The following ADAMTS17 variants were observed in gnomAD, a reference collection of about 807,000 sequenced individuals.
ADAMTS17 encodes the protein A disintegrin and metalloproteinase with thrombospondin motifs 17.
ADAMTS17 carries 113 observed loss-of-function variants against 141.5 expected under a neutral mutation model. That is an observed-to-expected ratio of 0.80 (90% CI 0.69 to 0.93). The LOEUF (loss-of-function observed/expected upper bound fraction) is 0.93, where lower values mean the gene tolerates loss of function less well. ADAMTS17 is among the 40% of genes least tolerant of loss of function. The pLI is 0.00. For missense variants in ADAMTS17, 1,659 were observed against 1,517.9 expected, an observed-to-expected ratio of 1.09 and a Z score of -1.54; for synonymous variants, 768 against 630.6, an observed-to-expected ratio of 1.22 and a Z score of -3.27.
intron 7 of ADAMTS17, among the ~76,000 whole-genome samples, chr15:100,211,213 T>C (rs997809923): frequency 1.3e-5 from 2 of 149,474 alleles, no homozygotes; most frequent in South Asian, 4.2e-4. Flanking sequence ...GAAGAAACGG[T>C]TGCACCTGGG....
chr15:100,277,377 C>T (rs2044134487), intron 4 of ADAMTS17, among the ~76,000 whole-genome samples: 2 of 152,154 alleles, frequency 1.3e-5, no homozygotes, highest in Admixed American at 1.3e-4. Flanking sequence ...GTACCAACCC[C>T]ATTCCCTTCC....
intron 3 of ADAMTS17, among the ~76,000 whole-genome samples, chr15:100,284,299 G>A (rs939778513): frequency 1.3e-5 from 2 of 152,188 alleles, no homozygotes; most frequent in Non-Finnish European, 2.9e-5. Context: ...ACGGGCAGGT[G>A]CGCTGTGGTT....
At chr15:100,103,878 T>A (rs2036268166) in intron 14 of ADAMTS17, among the ~76,000 whole-genome samples, 1 of 152,188 alleles carries the variant, frequency 6.6e-6, no homozygotes, top group Admixed American at 6.5e-5. Flanking sequence ...ACCTGACCCT[T>A]CTTTCAATAT....
rs1362183657 is a variant in ADAMTS17, at chr15:100,341,167, C to G, written c.322G>C (p.Glu108Gln). 6 of 1,463,522 alleles carry G rather than the reference C, an allele frequency of 4.1e-6. No homozygotes were observed. Among genetic ancestry groups the G allele is most frequent in the East Asian group, 3.0e-5 (1 of 33,082 alleles). 90.7% of individuals were successfully genotyped at this position (1,463,522 alleles called of 1,614,324 possible). A position where few individuals can be genotyped will look rare whatever the true frequency, so the allele number is the denominator to read the frequency against. Residue 108 changes from glutamate to glutamine, a missense_variant, in exon 2 of 22, where the codon GAG becomes CAG. Transcript: ENST00000268070. ...RDLRFLSRGF[E>Q]VEEAGAARRR... is the part of the protein sequence containing the mutation. ...CGGGCCGCGCCCGCCTCCTCCACCT[C>G]GAAGCCTCGGGACAGGAAGCGCAGG...
chr15:100,113,668 T>C (rs2036930331), intron 13 of ADAMTS17, among the ~76,000 whole-genome samples: 1 of 152,234 alleles, frequency 6.6e-6, no homozygotes, highest in South Asian at 2.1e-4. Context: ...GACTACCAAA[T>C]GCAAGCTTCG....
chr15:100,327,065 T>G (rs1946044831), intron 3 of ADAMTS17, among the ~76,000 whole-genome samples: 1 of 152,196 alleles, frequency 6.6e-6, no homozygotes, highest in Admixed American at 6.5e-5. Flanking sequence ...CACATTTTTT[T>G]TGTGAAAACT....
intron 3 of ADAMTS17, among the ~76,000 whole-genome samples, chr15:100,325,262 A>C (rs1209759623): frequency 1.3e-5 from 2 of 152,144 alleles, no homozygotes; most frequent in Non-Finnish European, 2.9e-5. Context: ...ACCACTCCAG[A>C]ACCCTGCCAG....
chr15:99,975,913 A>T, intron 21 of ADAMTS17, 132 bp downstream of exon 21: 1 of 1,035,022 alleles, frequency 9.7e-7, no homozygotes, highest in Non-Finnish European at 1.4e-6. Flanking sequence ...AGAACTGACA[A>T]ATGTCAGCCT....
intron 7 of ADAMTS17, among the ~76,000 whole-genome samples, chr15:100,215,124 G>A (rs761254739): frequency 9.2e-5 from 14 of 152,334 alleles, no homozygotes; most frequent in African/African-American, 2.4e-4. Flanking sequence ...GGCAGGTTCC[G>A]GCTACAGCCA....
At chr15:100,132,219 C>T in intron 11 of ADAMTS17, 67 bp from the exon 12 acceptor site, 1 of 1,568,826 alleles carries the variant, frequency 6.4e-7, no homozygotes. Context: ...GCCCGCCAGG[C>T]CCCAAAATGC....
At chr15:100,107,618 A>G (rs1485361745) in intron 14 of ADAMTS17, among the ~76,000 whole-genome samples, 1 of 152,112 alleles carries the variant, frequency 6.6e-6, no homozygotes, top group East Asian at 1.9e-4. Flanking sequence ...TGACTGGGTC[A>G]TGAGGGCAGA....
At chr15:100,253,507 G>C (rs183455118) in intron 7 of ADAMTS17, among the ~76,000 whole-genome samples, 3 of 77,102 alleles carry the variant, frequency 3.9e-5, no homozygotes, top group East Asian at 4.9e-4. Context: ...GGGAGGGGAA[G>C]GTAGAGGGGG....
At chr15:100,201,967 C>T (rs763860225) in intron 7 of ADAMTS17, among the ~76,000 whole-genome samples, 1 of 152,216 alleles carries the variant, frequency 6.6e-6, no homozygotes, top group Non-Finnish European at 1.5e-5. Flanking sequence ...CCCAGCAGTG[C>T]CCGCCCAGCC....
chr15:100,053,865 CCT>C (rs1054785657), intron 16 of ADAMTS17, 30 bp downstream of exon 16: 1 of 1,614,004 alleles, frequency 6.2e-7, no homozygotes, highest in African/African-American at 1.3e-5. Flanking sequence ...AGCCACACCC[CCT>C]AAGACAAGTG....
rs118052681 is a variant in ADAMTS17, at chr15:99,995,404, A to C, written c.2796+1981T>G. 6.6e-3 allele frequency among the ~76,000 whole-genome samples: 1,006 copies of C among 152,300 alleles called. 6 individuals carry two copies. Among genetic ancestry groups the C allele is most frequent in the Non-Finnish European group, 0.01 (686 of 68,032 alleles). ...ATTTCTTAACCAAACTCTGACCAGC[A>C]ACCCATTCTCCTGAAGCCTTTGTCT... is the stretch of plus-strand genomic sequence containing the variant. On this transcript the variant is annotated intron_variant, in intron 19 of 21. Coordinates refer to ENST00000268070, the MANE Select transcript of ADAMTS17 (RefSeq NM_139057.4).
chr15:100,199,068 C>A (rs902000381), intron 8 of ADAMTS17, among the ~76,000 whole-genome samples: 1 of 152,222 alleles, frequency 6.6e-6, no homozygotes, highest in Admixed American at 6.5e-5. Flanking sequence ...GGAACCTCTT[C>A]TTTCTAGTCT....
intron 8 of ADAMTS17, among the ~76,000 whole-genome samples, chr15:100,195,613 CAAAAA>C (rs71287815): frequency 4.7e-5 from 3 of 63,646 alleles, no homozygotes; most frequent in Admixed American, 1.8e-4. Context: ...TGTTTGGTCT[CAAAAA>C]AAAAAAAAAA....
At chr15:100,101,816 T>C (rs2036119861) in intron 14 of ADAMTS17, among the ~76,000 whole-genome samples, 1 of 152,252 alleles carries the variant, frequency 6.6e-6, no homozygotes, top group African/African-American at 2.4e-5. Context: ...TTCTTCAACT[T>C]ATTAGCTATC....
intron 10 of ADAMTS17, among the ~76,000 whole-genome samples, chr15:100,145,273 A>C (rs1307299849): frequency 6.6e-6 from 1 of 152,230 alleles, no homozygotes; most frequent in Non-Finnish European, 1.5e-5. Context: ...GCTTGGGAAC[A>C]TGAATGGTGT....
Sources: allele counts gnomAD v4.1 joint callset (sites outside exome capture counted in the v4.1 genomes callset), GRCh38; gene constraint gnomAD v4.1.1; transcripts MANE v1.5; gene names NCBI Gene and HGNC (gene_info 2026-07-23, HGNC 2026-07-21).